Variants in POC5 observed in about 807,000 individuals in gnomAD.
POC5 encodes POC5 centriolar protein.
In POC5, 48 loss-of-function variants were observed where a neutral mutation model predicts 62.9. That is an observed-to-expected ratio of 0.76 (90% CI 0.61 to 0.97). The LOEUF (loss-of-function observed/expected upper bound fraction) is 0.97. Ranked by LOEUF, POC5 falls within the 50% of genes least tolerant of loss-of-function variation. The pLI is 0.00. For missense variants in POC5, 696 were observed against 679.5 expected (o/e 1.02, Z -0.27); for synonymous variants, 236 against 228.2 (o/e 1.03, Z -0.31).
intron 5 of POC5, among the ~76,000 whole-genome samples, chr5:75,700,994 G>A (rs1304361371): frequency 7.7e-6 from 1 of 130,582 alleles, no homozygotes; most frequent in East Asian, 2.1e-4. Context: ...GGCCATCAGA[G>A]AAATGCAAAT....
chr5:75,712,377 C>A, intron 2 of POC5: 1 of 1,603,294 alleles, frequency 6.2e-7, no homozygotes, highest in East Asian at 2.2e-5. Context: ...TTAACTGACC[C>A]ACTTCATTTT....
chr5:75,692,359 C>CT (rs763089191), intron 7 of POC5, 37 bp downstream of exon 7: 1 of 1,447,276 alleles, frequency 6.9e-7, no homozygotes, highest in South Asian at 1.3e-5. Flanking sequence ...ATTCAGAAGT[C>CT]TAACATCCAT....
chr5:75,710,590 T>C (rs1438283978), intron 2 of POC5, among the ~76,000 whole-genome samples: 1 of 152,166 alleles, frequency 6.6e-6, no homozygotes, highest in Non-Finnish European at 1.5e-5. Flanking sequence ...CTGTCTGCAA[T>C]CCACAAAGAG....
chr5:75,701,644 G>A (rs1328590567), intron 5 of POC5, among the ~76,000 whole-genome samples: 5 of 150,070 alleles, frequency 3.3e-5, no homozygotes, highest in South Asian at 2.1e-4. Flanking sequence ...TGGGTGCAGC[G>A]CACCAGCATG....
At chr5:75,690,778 A>T (rs1419263381) in intron 7 of POC5, among the ~76,000 whole-genome samples, 2 of 152,188 alleles carry the variant, frequency 1.3e-5, no homozygotes, top group Non-Finnish European at 2.9e-5. Context: ...GACTTGCCTG[A>T]CTCCAGAGAC....
intron 5 of POC5, among the ~76,000 whole-genome samples, chr5:75,699,110 T>C (rs1776747358): frequency 6.6e-6 from 1 of 152,178 alleles, no homozygotes; most frequent in Non-Finnish European, 1.5e-5. Flanking sequence ...CAGGACCAGA[T>C]GGATTCACAG....
Position 75,702,435 on chromosome 5 carries a change from A to G in POC5, c.513+170T>C, listed in dbSNP as rs547979368. Reference sequence around the variant, plus strand: ...TGTAGTTTAACAGGCTCCCGCTATGATTCGTAAGTACATTAAAGATTGAGA... The same window carrying G: ...TGTAGTTTAACAGGCTCCCGCTATGGTTCGTAAGTACATTAAAGATTGAGA... On this transcript the variant is annotated intron_variant, in intron 5 of 11. Transcript: ENST00000428202. 2.0e-5 allele frequency among the ~76,000 whole-genome samples: 3 copies of G among 152,202 alleles called. No homozygotes were observed. In the South Asian group the frequency reaches 6.2e-4, roughly 31 times the overall value.
At chr5:75,693,650 A>G (rs1776439128) in intron 6 of POC5, among the ~76,000 whole-genome samples, 1 of 152,226 alleles carries the variant, frequency 6.6e-6, no homozygotes, top group Non-Finnish European at 1.5e-5. Context: ...AAAATGTTCA[A>G]TTTTATACGA....
intron 2 of POC5, 145 bp from the exon 3 acceptor site, chr5:75,708,020 T>C (rs200570591): frequency 1.3e-6 from 1 of 749,116 alleles, no homozygotes; most frequent in East Asian, 2.8e-5. Flanking sequence ...ATTCCAAGCT[T>C]GAGTTCCTCG....
At chr5:75,694,095 C>T (rs1776457499) in intron 6 of POC5, among the ~76,000 whole-genome samples, 2 of 151,908 alleles carry the variant, frequency 1.3e-5, no homozygotes, top group African/African-American at 4.8e-5. Context: ...ACTTGAGCCC[C>T]GGAGTTTGAG....
intron 7 of POC5, 119 bp downstream of exon 7, chr5:75,692,277 G>T: frequency 1.6e-6 from 1 of 632,624 alleles, no homozygotes; most frequent in Non-Finnish European, 2.5e-6. Flanking sequence ...TGAAATAAGA[G>T]GAACATTAAA....
intron 5 of POC5, among the ~76,000 whole-genome samples, chr5:75,701,491 A>G (rs1375574272): frequency 2.1e-5 from 3 of 140,724 alleles, no homozygotes; most frequent in Non-Finnish European, 3.1e-5. Flanking sequence ...AACACCGCAT[A>G]TTCTCACTGA....
chr5:75,677,217 T>G (rs10038319), intron 11 of POC5, among the ~76,000 whole-genome samples: 31,798 of 152,134 alleles, frequency 0.21, 5,082 homozygotes, highest in African/African-American at 0.43. Context: ...AAGCACTAAC[T>G]CGGGTTTTAA....
At position 75,716,394 on chromosome 5, in the gene POC5, G is replaced by C. The variant is rs112176499; in HGVS notation, c.-15+912C>G. 7.2e-5 allele frequency among the ~76,000 whole-genome samples: 7 copies of C among 96,760 alleles called. 1 individual carries two copies. The highest frequency in any genetic ancestry group is 8.3e-5 in the Non-Finnish European group (4 of 48,150). 63.5% of individuals were successfully genotyped at this position (96,760 alleles called of 152,430 possible). A position where few individuals can be genotyped will look rare whatever the true frequency, so the allele number is the denominator to read the frequency against. On this transcript the variant is annotated intron_variant, in intron 1 of 11. Transcript: ENST00000428202. The stretch of plus-strand genomic sequence containing the variant: ...GCAGGTAACAGGGGTGGGGGGGGGG[G>C]GGTGCTGATTATTTAAAAATGAGCT...
chr5:75,676,894 G>A (rs1410271045), intron 11 of POC5, among the ~76,000 whole-genome samples: 1 of 151,696 alleles, frequency 6.6e-6, no homozygotes, highest in East Asian at 1.9e-4. Context: ...CTTTAGGGAT[G>A]TTCTTATCAC....
At position 75,677,831 on chromosome 5, in the gene POC5, C is replaced by CAG. The variant is rs1775728598; in HGVS notation, c.1526_1527insCT (p.Met509IlefsTer8). 6.2e-7 allele frequency: 1 copy of CAG among 1,612,526 alleles called. No homozygotes were observed. The highest frequency in any genetic ancestry group is 8.5e-7 in the Non-Finnish European group (1 of 1,179,294). On this transcript the variant is annotated frameshift_variant, in exon 11 of 12. Coordinates refer to ENST00000428202, the MANE Select transcript of POC5 (RefSeq NM_001099271.2). LOFTEE classifies it high-confidence loss of function. Reference sequence around the variant, plus strand: ...CTGAGCTCATGGGAGGAGAAACTCCCATTATAGCTAAACTGCTGCTAATTC... The same window carrying CAG: ...CTGAGCTCATGGGAGGAGAAACTCCCAGATTATAGCTAAACTGCTGCTAATTC...
intron 2 of POC5, chr5:75,712,194 G>A (rs536159638): frequency 1.3e-5 from 4 of 304,272 alleles, no homozygotes; most frequent in African/African-American, 9.1e-5. Flanking sequence ...ATATGCTTAG[G>A]CATAAACAGC....
At chr5:75,699,394 G>C (rs1776764136) in intron 5 of POC5, among the ~76,000 whole-genome samples, 1 of 151,938 alleles carries the variant, frequency 6.6e-6, no homozygotes, top group Non-Finnish European at 1.5e-5. Context: ...TTCATCCCTG[G>C]GATGCAAGGC....
chr5:75,692,929 T>G (rs1776402158), intron 6 of POC5, among the ~76,000 whole-genome samples: 1 of 151,396 alleles, frequency 6.6e-6, no homozygotes, highest in African/African-American at 2.4e-5. Flanking sequence ...TAGAAGTTCC[T>G]CAACGACTGT....
Sources: gnomAD v4.1 joint callset for allele counts (sites outside exome capture counted in the v4.1 genomes callset) on GRCh38, gnomAD v4.1.1 for gene constraint, MANE v1.5 for transcripts, NCBI Gene and HGNC (gene_info 2026-07-23, HGNC 2026-07-21) for gene names.